The following SYNE1 variants were observed in gnomAD, a reference collection of about 807,000 sequenced individuals.
SYNE1 encodes nesprin-1.
In SYNE1, 616 loss-of-function variants were observed where a neutral mutation model predicts 1,111.0. That is an observed-to-expected ratio of 0.55 (90% confidence interval 0.52 to 0.59). SYNE1 has a LOEUF of 0.59. Among genes scored for constraint, SYNE1 ranks in the 20% least tolerant of loss-of-function variants. The probability of loss-of-function intolerance (pLI) is 0.00; values close to 1 mark genes in which losing one functional copy is unlikely to be tolerated. For missense variants in SYNE1, 10,006 were observed against 10,417.0 expected (o/e 0.96, Z 1.72); for synonymous variants, 3,855 against 3,825.8 (o/e 1.01, Z -0.28).
chr6:152,570,575 T>C (rs2099447372), intron 3 of SYNE1, among the ~76,000 whole-genome samples: 1 of 152,188 alleles, frequency 6.6e-6, no homozygotes, highest in African/African-American at 2.4e-5. Flanking sequence ...TGAGGCCACG[T>C]TGGATCTCCA....
intron 50 of SYNE1, among the ~76,000 whole-genome samples, 192 bp from the exon 51 acceptor site, chr6:152,395,863 T>C (rs1233855583): frequency 5.3e-5 from 8 of 152,190 alleles, no homozygotes; most frequent in Admixed American, 5.2e-4. Flanking sequence ...GTGAAAATCA[T>C]GACAATTTCT....
chr6:152,494,674 C>G (rs373027392), intron 11 of SYNE1, among the ~76,000 whole-genome samples: 23 of 152,190 alleles, frequency 1.5e-4, no homozygotes, highest in African/African-American at 5.6e-4. Context: ...TCCTGCACCA[C>G]CATGCTGTTA....
In SYNE1 at chr6:152,573,446, C is replaced by A. The variant is rs141590118; in HGVS notation, c.68-33425G>T. Among the ~76,000 whole-genome samples, 825 of 149,882 alleles carry A rather than the reference C, an allele frequency of 5.5e-3. 15 individuals carry two copies. Among genetic ancestry groups the A allele is most frequent in the African/African-American group, 0.019 (790 of 40,670 alleles). On this transcript the variant is annotated intron_variant, in intron 3 of 145. Transcript: ENST00000367255. ...AACATGCGGTGTTTGGTTTTTTGTCCTTGCGGTAGTTTGCTGAGAATGATG... is the reference window on the plus strand; with the variant it reads ...AACATGCGGTGTTTGGTTTTTTGTCATTGCGGTAGTTTGCTGAGAATGATG...
In SYNE1 at chr6:152,519,846, C is replaced by T. The variant is rs74496292; in HGVS notation, c.309+613G>A. Among the ~76,000 whole-genome samples the T allele has an allele frequency of 5.5e-3, 843 of 152,200 alleles. 31 individuals carry two copies. In the East Asian group the frequency reaches 0.11, roughly 20 times the overall value. On this transcript the variant is annotated intron_variant, in intron 6 of 145. Coordinates refer to ENST00000367255, the MANE Select transcript of SYNE1 (RefSeq NM_182961.4). ...TACCAAGTATTCAAAGTTAATGTAA[C>T]CAGTAATAAGACATATCAGCACCCT...
intron 127 of SYNE1, among the ~76,000 whole-genome samples, chr6:152,196,245 C>A (rs1041528465): frequency 6.6e-6 from 1 of 152,134 alleles, no homozygotes; most frequent in Admixed American, 6.5e-5. Flanking sequence ...ATTGAGTACC[C>A]CTGGAGCCTC....
At chr6:152,150,677 T>C (rs9371576) in intron 135 of SYNE1, among the ~76,000 whole-genome samples, 12,528 of 152,270 alleles carry the variant, frequency 0.082, 787 homozygotes, top group East Asian at 0.3. Context: ...TGTTAAATAC[T>C]CCCACTTTTA....
At chr6:152,456,864 A>G (rs1197999249) in intron 22 of SYNE1, 1 of 314,406 alleles carries the variant, frequency 3.2e-6, no homozygotes, top group Non-Finnish European at 6.4e-6. Context: ...TCCAGATGCA[A>G]ATATCAAGAG....
At chr6:152,185,012 T>C (rs1277332772) in intron 128 of SYNE1, among the ~76,000 whole-genome samples, 1 of 152,184 alleles carries the variant, frequency 6.6e-6, no homozygotes, top group African/African-American at 2.4e-5. Flanking sequence ...GCTAAAACCT[T>C]CAGAGTGTGC....
At chr6:152,515,774 C>A (rs2099108462) in intron 6 of SYNE1, among the ~76,000 whole-genome samples, 1 of 152,314 alleles carries the variant, frequency 6.6e-6, no homozygotes, top group East Asian at 1.9e-4. Flanking sequence ...CCTGACACCT[C>A]ATTGGAGAAA....
chr6:152,390,177 T>C (rs1305087972), intron 53 of SYNE1, 103 bp downstream of exon 53: 2 of 1,279,132 alleles, frequency 1.6e-6, no homozygotes, highest in African/African-American at 3.0e-5. Context: ...CAAGCTACAG[T>C]AAAATGCTTG....
At chr6:152,323,198 C>T (rs2095928033) in intron 82 of SYNE1, among the ~76,000 whole-genome samples, 1 of 152,134 alleles carries the variant, frequency 6.6e-6, no homozygotes. Context: ...CGCTTGTAAT[C>T]CCAGCACTCT....
intron 34 of SYNE1, among the ~76,000 whole-genome samples, chr6:152,431,810 A>G (rs1166887283): frequency 6.6e-6 from 1 of 152,188 alleles, no homozygotes; most frequent in Non-Finnish European, 1.5e-5. Flanking sequence ...TATTTTTCAT[A>G]TGAATGAATG....
At position 152,188,096 on chromosome 6, in the gene SYNE1, C is replaced by T. The variant is rs144180118; in HGVS notation, c.23301+1156G>A. Among the ~76,000 whole-genome samples, 581 of 152,288 alleles carry T rather than the reference C, an allele frequency of 3.8e-3. 4 individuals carry two copies. Among genetic ancestry groups the T allele is most frequent in the African/African-American group, 0.013 (529 of 41,566 alleles). Reference sequence around the variant, plus strand: ...TTTCTTCTTAACTGTACACATTCTCCTAGACTGATTTTAGTCTCAGATCAA... The same window carrying T: ...TTTCTTCTTAACTGTACACATTCTCTTAGACTGATTTTAGTCTCAGATCAA... On this transcript the variant is annotated intron_variant, in intron 128 of 145. Coordinates refer to ENST00000367255, the MANE Select transcript of SYNE1 (RefSeq NM_182961.4).
intron 121 of SYNE1, among the ~76,000 whole-genome samples, chr6:152,216,459 G>C (rs1031109976): frequency 2.0e-5 from 3 of 152,180 alleles, no homozygotes; most frequent in African/African-American, 2.4e-5. Flanking sequence ...GAGTGACATT[G>C]AACAAAATGA....
chr6:152,223,483 G>A (rs543931512), intron 117 of SYNE1, among the ~76,000 whole-genome samples: 61 of 152,310 alleles, frequency 4.0e-4, no homozygotes, highest in African/African-American at 1.4e-3. Context: ...AGCCAGGCAT[G>A]GAGGCACATG....
At position 152,378,765 on chromosome 6, in the gene SYNE1, G is replaced by T. The variant is rs551247331; in HGVS notation, c.9010-1853C>A. On this transcript the variant is annotated intron_variant, in intron 56 of 145. Transcript: ENST00000367255. ...CCCTGCCCTCCTTCCCACCTCTTCG[G>T]GTTTCTCATCTGAGGATACACAGGA... Among the ~76,000 whole-genome samples the T allele has an allele frequency of 5.9e-5, 9 of 152,146 alleles. No homozygotes were observed. The South Asian group carries it at 1.9e-3, about 32-fold the overall frequency.
intron 93 of SYNE1, 126 bp from the exon 94 acceptor site, chr6:152,294,253 T>TC: frequency 1.2e-6 from 1 of 844,600 alleles, no homozygotes; most frequent in Non-Finnish European, 1.9e-6. Flanking sequence ...CACTACAAAC[T>TC]AGTAAATTAG....
intron 51 of SYNE1, among the ~76,000 whole-genome samples, chr6:152,392,258 A>T (rs2097654605): frequency 6.6e-6 from 1 of 152,120 alleles, no homozygotes; most frequent in South Asian, 2.1e-4. Flanking sequence ...GCAGAGACTA[A>T]GTGCAAAAAA....
In SYNE1 at chr6:152,189,239, G is replaced by T. The variant is rs760634413; in HGVS notation, c.23301+13C>A. 1.5e-5 allele frequency: 24 copies of T among 1,612,926 alleles called. No individual in the cohort carries two copies. Among genetic ancestry groups the T allele is most frequent in the Non-Finnish European group, 1.9e-5 (23 of 1,179,800 alleles). Reference sequence around the variant, plus strand: ...CATCATCAAGATAATTCCATTTTTAGAACTTATCTTACCTGGTGGCATAGT... The same window carrying T: ...CATCATCAAGATAATTCCATTTTTATAACTTATCTTACCTGGTGGCATAGT... On this transcript the variant is annotated intron_variant, in intron 128 of 145. Transcript: ENST00000367255.
Sources: allele counts gnomAD v4.1 joint callset (sites outside exome capture counted in the v4.1 genomes callset), GRCh38; gene constraint gnomAD v4.1.1; transcripts MANE v1.5; gene names NCBI Gene and HGNC (gene_info 2026-07-23, HGNC 2026-07-21).